The following KIF16B variants were observed in gnomAD, a reference collection of about 807,000 sequenced individuals.
The protein encoded by KIF16B is kinesin-like protein KIF16B.
In KIF16B, 98 loss-of-function variants were observed where a neutral mutation model predicts 156.3. The observed-to-expected ratio is 0.63, with a 90% CI of 0.53 to 0.74. KIF16B has a LOEUF of 0.74. Ranked by LOEUF, KIF16B falls within the 30% of genes least tolerant of loss-of-function variation. KIF16B has a pLI of 0.00. For missense variants in KIF16B, 1,421 were observed against 1,606.5 expected (o/e 0.88, Z 1.97); for synonymous variants, 564 against 583.7 (o/e 0.97, Z 0.49).
intron 3 of KIF16B, among the ~76,000 whole-genome samples, chr20:16,517,311 T>C (rs1027423165): frequency 5.3e-5 from 8 of 152,228 alleles, no homozygotes; most frequent in African/African-American, 1.9e-4. Context: ...AGTTAATTCT[T>C]AACCATTTTA....
chr20:16,282,768 T>C (rs1271383515), intron 25 of KIF16B, among the ~76,000 whole-genome samples: 1 of 152,116 alleles, frequency 6.6e-6, no homozygotes, highest in Non-Finnish European at 1.5e-5. Context: ...CCAGTCCCCA[T>C]GCTGGGGGCC....
chr20:16,554,704 T>C (rs1017124256), intron 1 of KIF16B, among the ~76,000 whole-genome samples: 4 of 152,010 alleles, frequency 2.6e-5, no homozygotes, highest in African/African-American at 7.3e-5. Flanking sequence ...TGTGGCCCTC[T>C]AGGGAGCCCA....
At chr20:16,357,482 CAAT>C (rs2064466226) in intron 22 of KIF16B, among the ~76,000 whole-genome samples, 1 of 152,106 alleles carries the variant, frequency 6.6e-6, no homozygotes, top group African/African-American at 2.4e-5. Flanking sequence ...TGAAATTGTA[CAAT>C]AATTACATCC....
intron 24 of KIF16B, among the ~76,000 whole-genome samples, chr20:16,318,303 C>G (rs921726102): frequency 1.3e-5 from 2 of 152,072 alleles, no homozygotes; most frequent in African/African-American, 2.4e-5. Context: ...CAAAGCTACC[C>G]AGGAGGAATT....
intron 12 of KIF16B, among the ~76,000 whole-genome samples, chr20:16,447,083 T>G (rs934023860): frequency 1.3e-5 from 2 of 152,138 alleles, no homozygotes; most frequent in Non-Finnish European, 2.9e-5. Context: ...ATTGTTTAAA[T>G]GACAGGCCAC....
chr20:16,516,175 G>A (rs1687641488), intron 3 of KIF16B, among the ~76,000 whole-genome samples: 1 of 152,146 alleles, frequency 6.6e-6, no homozygotes, highest in African/African-American at 2.4e-5. Context: ...GTGACGGGTG[G>A]CTGTAGATGA....
intron 15 of KIF16B, among the ~76,000 whole-genome samples, chr20:16,426,199 G>A (rs2066347381): frequency 6.6e-6 from 1 of 152,096 alleles, no homozygotes; most frequent in Non-Finnish European, 1.5e-5. Flanking sequence ...TTTATGTAGA[G>A]GGACATTCTA....
At chr20:16,302,505 T>C (rs1437883219) in intron 25 of KIF16B, among the ~76,000 whole-genome samples, 1 of 152,224 alleles carries the variant, frequency 6.6e-6, no homozygotes, top group Non-Finnish European at 1.5e-5. Context: ...GCTGTCTTGA[T>C]TACTGCAGCT....
intron 12 of KIF16B, among the ~76,000 whole-genome samples, chr20:16,464,741 G>A (rs1011726882): frequency 7.9e-5 from 12 of 152,200 alleles, no homozygotes; most frequent in African/African-American, 1.7e-4. Context: ...GTACCCAAGC[G>A]CCCATTGTTA....
At chr20:16,529,877 A>G (rs6044077) in intron 1 of KIF16B, among the ~76,000 whole-genome samples, 85,431 of 151,942 alleles carry the variant, frequency 0.56, 24,224 homozygotes, top group Admixed American at 0.58. Context: ...CTTGAATCCA[A>G]GAGGCAGAGG....
chr20:16,502,658 G>A (rs2068659343), intron 10 of KIF16B, among the ~76,000 whole-genome samples: 1 of 152,092 alleles, frequency 6.6e-6, no homozygotes, highest in Admixed American at 6.5e-5. Context: ...CAATACCTCT[G>A]AAGGCATTTT....
intron 22 of KIF16B, among the ~76,000 whole-genome samples, chr20:16,360,643 A>G (rs888007552): frequency 1.4e-4 from 21 of 152,248 alleles, no homozygotes; most frequent in African/African-American, 5.1e-4. Context: ...TCTGTACATA[A>G]GAAGTATCTT....
chr20:16,491,932 T>A (rs1179224385), intron 12 of KIF16B, among the ~76,000 whole-genome samples: 1 of 152,214 alleles, frequency 6.6e-6, no homozygotes, highest in Non-Finnish European at 1.5e-5. Flanking sequence ...TAGGATCTGG[T>A]GATTTCCAGG....
chr20:16,573,409 G>C lies in KIF16B; in HGVS notation c.-134C>G. On this transcript the variant is annotated 5_prime_UTR_variant, in exon 1 of 26. Coordinates refer to ENST00000354981, the MANE Select transcript of KIF16B (RefSeq NM_024704.5). ...CGCCCCTCTGCTCCCGGCCGGACCT[G>C]GAGTTCCGCGGCAGCCCCACCTGCC... The C allele has an allele frequency of 1.0e-6, 1 of 987,886 alleles. No homozygotes were observed. Among genetic ancestry groups the C allele is most frequent in the Non-Finnish European group, 1.5e-6 (1 of 668,776 alleles). The allele number at this position is 987,886 out of a possible 1,614,324, so 61.2% of individuals were successfully genotyped here. A position where few individuals can be genotyped will look rare whatever the true frequency, so the allele number is the denominator to read the frequency against.
chr20:16,548,871 G>A (rs975683539), intron 1 of KIF16B, among the ~76,000 whole-genome samples: 4 of 152,110 alleles, frequency 2.6e-5, no homozygotes, highest in African/African-American at 4.8e-5. Flanking sequence ...ACAACGAGAC[G>A]AAGACCACTG....
intron 1 of KIF16B, among the ~76,000 whole-genome samples, chr20:16,547,488 G>C (rs1043605943): frequency 6.6e-6 from 1 of 152,130 alleles, no homozygotes; most frequent in Non-Finnish European, 1.5e-5. Flanking sequence ...TTTATTCTGG[G>C]GGAAAAGGAG....
chr20:16,554,142 T>G (rs948514135), intron 1 of KIF16B, among the ~76,000 whole-genome samples: 5 of 152,202 alleles, frequency 3.3e-5, no homozygotes, highest in Non-Finnish European at 5.9e-5. Flanking sequence ...AGCTTCAAAC[T>G]GAGGAGGACA....
At chr20:16,465,688 A>C (rs573923611) in intron 12 of KIF16B, among the ~76,000 whole-genome samples, 1 of 152,362 alleles carries the variant, frequency 6.6e-6, no homozygotes, top group East Asian at 1.9e-4. Context: ...ACATTCATTT[A>C]ATCATGCATT....
chr20:16,284,488 T>G lies in KIF16B; in HGVS notation c.3796-11077A>C, dbSNP rs546260095. Reference sequence around the variant, plus strand: ...CCTCTCTCTTGCATATTATCCCAAATGAAACAATTTTTACTTTCACTCTCT... The same window carrying G: ...CCTCTCTCTTGCATATTATCCCAAAGGAAACAATTTTTACTTTCACTCTCT... On this transcript the variant is annotated intron_variant, in intron 25 of 25. Coordinates refer to ENST00000354981, the MANE Select transcript of KIF16B (RefSeq NM_024704.5). 1.4e-4 allele frequency among the ~76,000 whole-genome samples: 21 copies of G among 152,308 alleles called. 1 individual carries two copies. Among genetic ancestry groups the G allele is most frequent in the African/African-American group, 4.1e-4 (17 of 41,564 alleles).
Sources: gnomAD v4.1 joint callset for allele counts (sites outside exome capture counted in the v4.1 genomes callset) on GRCh38, gnomAD v4.1.1 for gene constraint, MANE v1.5 for transcripts, NCBI Gene and HGNC (gene_info 2026-07-23, HGNC 2026-07-21) for gene names.